Variants in FRAS1 observed in about 807,000 individuals in gnomAD.
FRAS1 encodes Fraser extracellular matrix complex subunit 1.
In FRAS1, 290 loss-of-function variants were observed where a neutral mutation model predicts 435.2. The ratio of observed to expected loss-of-function variants is 0.67; its 90% CI spans 0.61 to 0.73. FRAS1 has a LOEUF of 0.73. Among genes scored for constraint, FRAS1 ranks in the 30% least tolerant of loss-of-function variants. The probability of loss-of-function intolerance (pLI) is 0.00; values close to 1 mark genes in which losing one functional copy is unlikely to be tolerated. For missense variants in FRAS1, 4,860 were observed against 5,001.5 expected (o/e 0.97, Z 0.85); for synonymous variants, 1,800 against 1,851.0 (o/e 0.97, Z 0.71).
At chr4:78,259,701 CT>C (rs1292211692) in intron 6 of FRAS1, among the ~76,000 whole-genome samples, 4 of 147,254 alleles carry the variant, frequency 2.7e-5, no homozygotes, top group African/African-American at 9.9e-5. Context: ...TGCAGAAGCT[CT>C]TTAGTTTAAT....
chr4:78,188,804 A>G (rs1310862606), intron 2 of FRAS1, among the ~76,000 whole-genome samples: 1 of 152,222 alleles, frequency 6.6e-6, no homozygotes, highest in African/African-American at 2.4e-5. Context: ...CACCAATACC[A>G]TAATCACTGG....
intron 29 of FRAS1, among the ~76,000 whole-genome samples, chr4:78,391,444 G>T (rs1732438829): frequency 6.6e-6 from 1 of 152,188 alleles, no homozygotes; most frequent in South Asian, 2.1e-4. Context: ...ACCCAAGCCT[G>T]CTGCAGATAT....
At chr4:78,438,832 C>A in intron 39 of FRAS1, 70 bp from the exon 40 acceptor site, 1 of 1,515,382 alleles carries the variant, frequency 6.6e-7, no homozygotes, top group Non-Finnish European at 9.0e-7. Flanking sequence ...CATTTTTAAA[C>A]AAAGATGCTG....
At chr4:78,434,487 C>T (rs889427405) in intron 38 of FRAS1, among the ~76,000 whole-genome samples, 4 of 152,078 alleles carry the variant, frequency 2.6e-5, no homozygotes, top group South Asian at 2.1e-4. Context: ...AATCTTAAAA[C>T]GGTAATAGCA....
intron 38 of FRAS1, among the ~76,000 whole-genome samples, chr4:78,437,567 C>T (rs1237552738): frequency 1.3e-5 from 2 of 152,174 alleles, no homozygotes; most frequent in Non-Finnish European, 2.9e-5. Flanking sequence ...TTTGATAGGT[C>T]TCTGGGGATA....
chr4:78,230,763 A>G (rs915530678), intron 2 of FRAS1, among the ~76,000 whole-genome samples: 1 of 152,162 alleles, frequency 6.6e-6, no homozygotes, highest in Non-Finnish European at 1.5e-5. Context: ...TAAAAATTTT[A>G]CTGAGTACAA....
intron 14 of FRAS1, among the ~76,000 whole-genome samples, chr4:78,297,157 A>G (rs1825418): frequency 0.014 from 2,083 of 149,488 alleles, 53 homozygotes; most frequent in African/African-American, 0.05. Context: ...TTTGATTTGC[A>G]TATATCACAC....
At chr4:78,436,578 A>G (rs1734437397) in intron 38 of FRAS1, among the ~76,000 whole-genome samples, 5 of 152,188 alleles carry the variant, frequency 3.3e-5, no homozygotes, top group Admixed American at 3.3e-4. Context: ...CCACCACAAG[A>G]TAGGATAACT....
intron 29 of FRAS1, among the ~76,000 whole-genome samples, chr4:78,393,368 G>A: frequency 6.6e-6 from 1 of 151,358 alleles, no homozygotes; most frequent in East Asian, 1.9e-4. Context: ...TACCATAAGG[G>A]TTACATAAAA....
Position 78,315,727 on chromosome 4 carries a change from G to T in FRAS1, c.1812G>T (p.Arg604Ser). The T allele has an allele frequency of 6.2e-7, 1 of 1,613,988 alleles. No individual in the cohort carries two copies. The highest frequency in any genetic ancestry group is 1.1e-5 in the South Asian group (1 of 91,076). Residue 604 changes from arginine (R) to serine (S), a missense_variant, in exon 16 of 74, where the codon AGG (arginine) becomes AGT (serine). Coordinates refer to ENST00000512123, the MANE Select transcript of FRAS1 (RefSeq NM_025074.7). ...GGTACTATGCTGATGCCACTGGCAG[G>T]TGCAAAGGTAAGAGATGGGTCACCA... Reference protein sequence around the residue: ...PGGYYADATGRCKVCHNSCAS... With the variant: ...PGGYYADATGSCKVCHNSCAS...
intron 30 of FRAS1, 31 bp from the exon 31 acceptor site, chr4:78,407,632 C>G (rs902914162): frequency 2.4e-5 from 38 of 1,559,218 alleles, no homozygotes; most frequent in Non-Finnish European, 2.9e-5. Flanking sequence ...CCTAGGGACC[C>G]TCACTAACTA....
chr4:78,189,082 A>G (rs911465864), intron 2 of FRAS1, among the ~76,000 whole-genome samples: 3 of 152,194 alleles, frequency 2.0e-5, no homozygotes, highest in African/African-American at 7.2e-5. Flanking sequence ...AGGATACAGT[A>G]AGTCATTGGA....
chr4:78,461,340 G>A (rs549039658), intron 47 of FRAS1, among the ~76,000 whole-genome samples: 1 of 152,244 alleles, frequency 6.6e-6, no homozygotes, highest in Admixed American at 6.5e-5. Flanking sequence ...TTTACAAAAA[G>A]TGCTCCTAGC....
intron 2 of FRAS1, among the ~76,000 whole-genome samples, chr4:78,200,462 G>T (rs1447940135): frequency 1.3e-5 from 2 of 152,160 alleles, no homozygotes; most frequent in Non-Finnish European, 2.9e-5. Flanking sequence ...ATGAAAGCAG[G>T]GCAAGCTTGA....
intron 30 of FRAS1, among the ~76,000 whole-genome samples, chr4:78,402,291 T>G (rs984298893): frequency 6.6e-6 from 1 of 152,128 alleles, no homozygotes; most frequent in African/African-American, 2.4e-5. Context: ...GGCTGTCAGA[T>G]TTTTTTAATT....
intron 35 of FRAS1, 81 bp downstream of exon 35, chr4:78,424,501 T>C (rs1733924580): frequency 1.7e-6 from 1 of 578,914 alleles, no homozygotes; most frequent in South Asian, 3.3e-5. Context: ...CCATCATCAT[T>C]ATTTTTAGCT....
intron 2 of FRAS1, among the ~76,000 whole-genome samples, chr4:78,176,879 A>G (rs1037996999): frequency 6.6e-6 from 1 of 152,068 alleles, no homozygotes; most frequent in Non-Finnish European, 1.5e-5. Flanking sequence ...CAATTAGCTA[A>G]CTCACATCAA....
intron 2 of FRAS1, among the ~76,000 whole-genome samples, chr4:78,165,620 A>G (rs531616645): frequency 2.6e-5 from 4 of 152,288 alleles, no homozygotes; most frequent in South Asian, 2.1e-4. Flanking sequence ...GGAGGCATCT[A>G]TGGGTCATTT....
intron 30 of FRAS1, among the ~76,000 whole-genome samples, chr4:78,401,982 T>C (rs1732912276): frequency 6.6e-6 from 1 of 151,878 alleles, no homozygotes; most frequent in Admixed American, 6.6e-5. Flanking sequence ...TTATGGAATA[T>C]GGGAGGAAAT....
Sources: allele counts gnomAD v4.1 joint callset (sites outside exome capture counted in the v4.1 genomes callset), GRCh38; gene constraint gnomAD v4.1.1; transcripts MANE v1.5; gene names NCBI Gene and HGNC (gene_info 2026-07-23, HGNC 2026-07-21).